The following TENM2 variants were observed in gnomAD, a reference collection of about 807,000 sequenced individuals.
The protein encoded by TENM2 is teneurin-2.
Under a neutral mutation model 245.2 loss-of-function variants are expected in TENM2, and 52 were observed. That is an observed-to-expected ratio of 0.21 (90% confidence interval 0.17 to 0.27). The LOEUF is 0.27. Ranked by LOEUF, TENM2 falls within the 10% of genes least tolerant of loss-of-function variation. The probability of loss-of-function intolerance (pLI) is 1.00; values close to 1 mark genes in which losing one functional copy is unlikely to be tolerated. For missense variants in TENM2, 3,046 were observed against 3,666.8 expected (o/e 0.83, Z 4.37); for synonymous variants, 1,363 against 1,438.9 (o/e 0.95, Z 1.19).
intron 12 of TENM2, among the ~76,000 whole-genome samples, chr5:168,144,962 G>A (rs1201143188): frequency 1.3e-5 from 2 of 151,298 alleles, no homozygotes; most frequent in African/African-American, 4.8e-5. Flanking sequence ...GTGTTTTTTG[G>A]CTGCATAAAT....
At chr5:167,923,363 T>C (rs1777517272) in intron 3 of TENM2, among the ~76,000 whole-genome samples, 1 of 152,018 alleles carries the variant, frequency 6.6e-6, no homozygotes, top group Admixed American at 6.6e-5. Flanking sequence ...ATAGAATGTT[T>C]TCAGGCTTTA....
At chr5:167,395,673 G>A (rs974905824) in intron 2 of TENM2, among the ~76,000 whole-genome samples, 41 of 152,056 alleles carry the variant, frequency 2.7e-4, no homozygotes, top group African/African-American at 9.7e-4. Context: ...TAAGTTCTTG[G>A]AAATTGTAAC....
At chr5:168,014,330 T>C (rs1429875036) in intron 5 of TENM2, among the ~76,000 whole-genome samples, 1 of 152,186 alleles carries the variant, frequency 6.6e-6, no homozygotes, top group Non-Finnish European at 1.5e-5. Context: ...GAATAGGAAA[T>C]GGAGGCACAA....
intron 6 of TENM2, among the ~76,000 whole-genome samples, chr5:168,056,746 ACGTGTC>A (rs1444845096): frequency 2.0e-5 from 3 of 152,198 alleles, no homozygotes; most frequent in African/African-American, 7.2e-5. Flanking sequence ...CATTCATGGT[ACGTGTC>A]CTATACAGGT....
At chr5:167,785,438 C>T (rs1764509121) in intron 2 of TENM2, among the ~76,000 whole-genome samples, 2 of 152,032 alleles carry the variant, frequency 1.3e-5, no homozygotes, top group Non-Finnish European at 2.9e-5. Context: ...GGATTCAGAC[C>T]TAGAGAGTAG....
intron 3 of TENM2, among the ~76,000 whole-genome samples, chr5:167,891,490 A>G (rs958070420): frequency 6.6e-6 from 1 of 152,200 alleles, no homozygotes; most frequent in African/African-American, 2.4e-5. Context: ...TAAGTGGGCC[A>G]TGAAAAGGTC....
chr5:167,316,160 C>T (rs571822620), intron 1 of TENM2, among the ~76,000 whole-genome samples: 4 of 152,152 alleles, frequency 2.6e-5, no homozygotes, highest in East Asian at 1.9e-4. Context: ...TTTATTTACT[C>T]ATCTATATAC....
intron 7 of TENM2, chr5:168,085,465 C>T (rs1035710683): frequency 2.0e-5 from 3 of 152,124 alleles, no homozygotes; most frequent in African/African-American, 2.4e-5. Flanking sequence ...TATAGTGGCC[C>T]GAGCAGTGGT....
At chr5:167,552,368 G>T (rs552495505) in intron 2 of TENM2, among the ~76,000 whole-genome samples, 13 of 152,082 alleles carry the variant, frequency 8.5e-5, no homozygotes, top group Non-Finnish European at 1.2e-4. Flanking sequence ...TTAATTTTGA[G>T]AACGATAATT....
At chr5:167,239,471 A>G in the TENM2 span, among the ~76,000 whole-genome samples, 1 of 152,178 alleles carries the variant, frequency 6.6e-6, no homozygotes, top group Non-Finnish European at 1.5e-5. Context: ...CAAGACACCT[A>G]ACATAGCCCA....
At chr5:168,047,099 G>T (rs1179353527) in intron 5 of TENM2, among the ~76,000 whole-genome samples, 2 of 152,126 alleles carry the variant, frequency 1.3e-5, no homozygotes, top group East Asian at 3.9e-4. Context: ...TGGTAGAGCA[G>T]CACTCTTTAC....
chr5:167,314,498 G>A (rs1280341824), intron 1 of TENM2, among the ~76,000 whole-genome samples: 1 of 152,094 alleles, frequency 6.6e-6, no homozygotes, highest in African/African-American at 2.4e-5. Flanking sequence ...GGGCATTAAA[G>A]AGAATTAAAA....
At chr5:167,285,185 C>G (rs371901574) in intron 1 of TENM2, 122 bp downstream of exon 3, 1 of 699,302 alleles carries the variant, frequency 1.4e-6, no homozygotes, top group Non-Finnish European at 2.5e-6. Context: ...TACAGCAGAC[C>G]CTTGGTTCCA....
chr5:167,296,211 G>A (rs1754941277), intron 1 of TENM2: 1 of 152,182 alleles, frequency 6.6e-6, no homozygotes, highest in Non-Finnish European at 1.5e-5. Context: ...AAAATGTGAA[G>A]CCTCTTTGTG....
chr5:167,744,918 T>C (rs566794338), intron 2 of TENM2, among the ~76,000 whole-genome samples: 35 of 152,328 alleles, frequency 2.3e-4, no homozygotes, highest in Admixed American at 3.3e-4. Context: ...ATTATTCCCC[T>C]TTTATGGGAA....
At chr5:168,077,007 C>T (rs560447374) in intron 7 of TENM2, among the ~76,000 whole-genome samples, 42 of 152,278 alleles carry the variant, frequency 2.8e-4, no homozygotes, top group African/African-American at 1.0e-3. Context: ...GGGTGTGAAT[C>T]TCAGCCCCAC....
At chr5:167,225,621 GT>G in the TENM2 span, among the ~76,000 whole-genome samples, 78 of 152,028 alleles carry the variant, frequency 5.1e-4, no homozygotes, top group African/African-American at 1.8e-3. Context: ...ATGGCCTGTA[GT>G]TTTTATTTTT....
chr5:167,636,104 T>C (rs1407447900), intron 2 of TENM2, among the ~76,000 whole-genome samples: 1 of 152,218 alleles, frequency 6.6e-6, no homozygotes, highest in Non-Finnish European at 1.5e-5. Flanking sequence ...TCAAAAAGTC[T>C]ACTTAATTAT....
At chr5:167,666,512 T>C (rs974434070) in intron 2 of TENM2, among the ~76,000 whole-genome samples, 1 of 152,186 alleles carries the variant, frequency 6.6e-6, no homozygotes, top group Admixed American at 6.5e-5. Flanking sequence ...CATTATTACA[T>C]GTGCTAAGTT....
Sources: allele counts gnomAD v4.1 joint callset (sites outside exome capture counted in the v4.1 genomes callset), GRCh38; gene constraint gnomAD v4.1.1; transcripts MANE v1.5; gene names NCBI Gene and HGNC (gene_info 2026-07-23, HGNC 2026-07-21).